The following ERCC8 variants were observed in gnomAD, a reference collection of about 807,000 sequenced individuals.
The protein encoded by ERCC8 is ERCC excision repair 8, CSA ubiquitin ligase complex subunit.
ERCC8 carries 52 observed loss-of-function variants against 54.9 expected under a neutral mutation model. That is an observed-to-expected ratio of 0.95 (90% CI 0.76 to 1.19). ERCC8 has a LOEUF of 1.19. Among genes scored for constraint, ERCC8 ranks in the 50% most tolerant of loss-of-function variants. ERCC8 has a pLI of 0.00. For synonymous variants in ERCC8, 146 were observed against 157.2 expected (o/e 0.93, Z 0.53); for missense variants, 514 against 466.1 (o/e 1.10, Z -0.95).
At chr5:60,887,135 T>C (rs1748417348) in intron 11 of ERCC8, among the ~76,000 whole-genome samples, 1 of 152,240 alleles carries the variant, frequency 6.6e-6, no homozygotes, top group Non-Finnish European at 1.5e-5. Flanking sequence ...AGGAATTTTA[T>C]GTTCTTCTTT....
chr5:60,934,218 C>A (rs1490986839), intron 1 of ERCC8, among the ~76,000 whole-genome samples: 2 of 152,116 alleles, frequency 1.3e-5, no homozygotes, highest in Admixed American at 1.3e-4. Context: ...GAAAAGTGTT[C>A]CCTTTTCACC....
At chr5:60,877,715 T>A (rs1289913203) in intron 11 of ERCC8, among the ~76,000 whole-genome samples, 1 of 152,206 alleles carries the variant, frequency 6.6e-6, no homozygotes, top group South Asian at 2.1e-4. Flanking sequence ...TTTTGCACAT[T>A]GATTTTGTAT....
At chr5:60,915,542 T>A (rs1749407188) in intron 4 of ERCC8, among the ~76,000 whole-genome samples, 1 of 152,072 alleles carries the variant, frequency 6.6e-6, no homozygotes, top group Non-Finnish European at 1.5e-5. Flanking sequence ...GTTCTACAAG[T>A]TAAAATTCTC....
At chr5:60,917,602 GA>G (rs1749474546) in intron 4 of ERCC8, 1 of 152,158 alleles carries the variant, frequency 6.6e-6, no homozygotes, top group African/African-American at 2.4e-5. Context: ...AGAGTTTGAA[GA>G]AAGGATTGCT....
At position 60,903,731 on chromosome 5, in the gene ERCC8, C is replaced by G. The variant is rs1367408632; in HGVS notation, c.482-15G>C. On this transcript the variant is annotated splice_polypyrimidine_tract_variant and intron_variant, in intron 5 of 11. Transcript: ENST00000676185. ...TCTAGTACCAACTGTAAAAACAGAA[C>G]CGGTTTAAGATAATTTTATCATAAG... is the stretch of plus-strand genomic sequence containing the variant. The G allele has an allele frequency of 1.2e-6, 2 of 1,610,852 alleles. No individual in the cohort carries two copies. Among genetic ancestry groups the G allele is most frequent in the African/African-American group, 2.7e-5 (2 of 74,770 alleles).
At chr5:60,886,047 A>G (rs1051718761) in intron 11 of ERCC8, among the ~76,000 whole-genome samples, 2 of 150,562 alleles carry the variant, frequency 1.3e-5, no homozygotes, top group African/African-American at 4.9e-5. Flanking sequence ...AACTTAAAGA[A>G]CTATATGTAT....
At chr5:60,881,996 T>G (rs1323924507) in intron 11 of ERCC8, among the ~76,000 whole-genome samples, 1 of 152,168 alleles carries the variant, frequency 6.6e-6, no homozygotes, top group Non-Finnish European at 1.5e-5. Flanking sequence ...TCGGCCATCT[T>G]GGCTCCACCT....
rs970625396 is a variant in ERCC8 at position 60,870,902 on chromosome 5, G to A, written c.*3713C>T. Among the ~76,000 whole-genome samples, 6 of 152,038 alleles carry A rather than the reference G, an allele frequency of 3.9e-5. No homozygotes were observed. Among genetic ancestry groups the A allele is most frequent in the African/African-American group, 1.4e-4 (6 of 41,416 alleles). On this transcript the variant is annotated 3_prime_UTR_variant, in exon 12 of 12. Coordinates refer to ENST00000676185, the MANE Select transcript of ERCC8 (RefSeq NM_000082.4). ...TCTTGACGAGATTAAGAAACTGTAAGTTTTTACTTTTTTCTTTTAAACCTC... is the reference window on the plus strand; with the variant it reads ...TCTTGACGAGATTAAGAAACTGTAAATTTTTACTTTTTTCTTTTAAACCTC...
intron 2 of ERCC8, 63 bp from the exon 3 acceptor site, chr5:60,922,218 G>T: frequency 9.0e-7 from 1 of 1,110,414 alleles, no homozygotes; most frequent in Non-Finnish European, 1.3e-6. Flanking sequence ...ATTTATTTAT[G>T]ATTGCAAATT....
intron 1 of ERCC8, among the ~76,000 whole-genome samples, chr5:60,942,645 A>G (rs1410922610): frequency 2.6e-5 from 4 of 152,188 alleles, no homozygotes; most frequent in Non-Finnish European, 5.9e-5. Flanking sequence ...TAAAGCAGAG[A>G]AAGAAGGGAG....
chr5:60,868,497 GA>G lies in ERCC8; in HGVS notation c.*6117del, dbSNP rs1482225168. 6.6e-6 allele frequency among the ~76,000 whole-genome samples: 1 copy of G among 152,036 alleles called. No homozygotes were observed. The highest frequency in any genetic ancestry group is 1.5e-5 in the Non-Finnish European group (1 of 67,972). On this transcript the variant is annotated 3_prime_UTR_variant, in exon 12 of 12. Transcript: ENST00000676185. ...TTCTTTAATTTTACCCCCTTCCTTT[GA>G]AATTTTAATTGTCTAATTATTAGGT...
chr5:60,918,219 C>A (rs1749493713), intron 4 of ERCC8, 46 bp downstream of exon 4: 3 of 1,433,068 alleles, frequency 2.1e-6, no homozygotes, highest in African/African-American at 1.4e-5. Context: ...GGATTAAATT[C>A]TCCTTTATCC....
At chr5:60,934,259 T>G (rs1749999242) in intron 1 of ERCC8, among the ~76,000 whole-genome samples, 1 of 152,180 alleles carries the variant, frequency 6.6e-6, no homozygotes, top group African/African-American at 2.4e-5. Flanking sequence ...TATATTTTGA[T>G]TTTTTGATTA....
At chr5:60,925,505 C>T (rs895314324) in intron 2 of ERCC8, among the ~76,000 whole-genome samples, 1 of 152,208 alleles carries the variant, frequency 6.6e-6, no homozygotes, top group Non-Finnish European at 1.5e-5. Context: ...ATGCCATCTT[C>T]TCCCAGTTTG....
chr5:60,886,109 T>C (rs1416962863), intron 11 of ERCC8, among the ~76,000 whole-genome samples: 4 of 152,058 alleles, frequency 2.6e-5, no homozygotes, highest in Non-Finnish European at 5.9e-5. Context: ...CTTTTAGACT[T>C]TTTATATTGT....
rs547796203 is a variant in ERCC8 at position 60,914,571 on chromosome 5, AT to A, written c.399+3693del. 6.6e-5 allele frequency among the ~76,000 whole-genome samples: 10 copies of A among 152,022 alleles called. No individual in the cohort carries two copies. In the South Asian group the frequency reaches 2.1e-3, roughly 32 times the overall value. Reference sequence around the variant, plus strand: ...TTTCAGAGGCCAAGGTGGGAGGATCATTTGAGGCCAGATTTTGACACCAGCC... The same window carrying A: ...TTTCAGAGGCCAAGGTGGGAGGATCATTGAGGCCAGATTTTGACACCAGCC... On this transcript the variant is annotated intron_variant, in intron 4 of 11. Coordinates refer to ENST00000676185, the MANE Select transcript of ERCC8 (RefSeq NM_000082.4).
chr5:60,880,363 G>C (rs1366375104), intron 11 of ERCC8, among the ~76,000 whole-genome samples: 1 of 152,106 alleles, frequency 6.6e-6, no homozygotes, highest in Non-Finnish European at 1.5e-5. Flanking sequence ...CTCTTCTCGA[G>C]GAGTATCTTT....
chr5:60,893,848 G>A (rs1229814478), intron 9 of ERCC8, among the ~76,000 whole-genome samples: 2 of 152,090 alleles, frequency 1.3e-5, no homozygotes, highest in Non-Finnish European at 2.9e-5. Context: ...GTACTCAATG[G>A]CATTAAGTGC....
chr5:60,903,640 A>T lies in ERCC8; in HGVS notation c.550+8T>A, dbSNP rs1160964820. 3 of 1,612,476 alleles carry T rather than the reference A, an allele frequency of 1.9e-6. No individual in the cohort carries two copies. Among genetic ancestry groups the T allele is most frequent in the Non-Finnish European group, 2.5e-6 (3 of 1,178,968 alleles). ...AAGTAGTTGCCGTTTGAAATAAAAT[A>T]AAAATACCCTGTAGAATGTGAGAAC... is the stretch of plus-strand genomic sequence containing the variant. On this transcript the variant is annotated splice_region_variant and intron_variant, in intron 6 of 11. Coordinates refer to ENST00000676185, the MANE Select transcript of ERCC8 (RefSeq NM_000082.4).
Sources: gnomAD v4.1 joint callset for allele counts (sites outside exome capture counted in the v4.1 genomes callset) on GRCh38, gnomAD v4.1.1 for gene constraint, MANE v1.5 for transcripts, NCBI Gene and HGNC (gene_info 2026-07-23, HGNC 2026-07-21) for gene names.